RBFOX1: variants seen among roughly 807,000 people sequenced by gnomAD.
RBFOX1 encodes RNA binding protein fox-1 homolog 1.
Under a neutral mutation model 57.7 loss-of-function variants are expected in RBFOX1, and 8 were observed. That is an observed-to-expected ratio of 0.14 (90% CI 0.08 to 0.25). The LOEUF (loss-of-function observed/expected upper bound fraction) is 0.25, where lower values mean the gene tolerates loss of function less well. Ranked by LOEUF, RBFOX1 falls within the 10% of genes least tolerant of loss-of-function variation. The pLI is 1.00. For missense variants in RBFOX1, 611 were observed against 548.5 expected (o/e 1.11, Z -1.14); for synonymous variants, 326 against 222.4 (o/e 1.47, Z -4.15).
chr16:7,494,557 A>C (rs1217747849), intron 4 of RBFOX1, among the ~76,000 whole-genome samples: 1 of 152,234 alleles, frequency 6.6e-6, no homozygotes, highest in East Asian at 1.9e-4. Flanking sequence ...AGAGATGTTC[A>C]GCATAGTGAT....
At chr16:6,758,131 A>C (rs772799033) in intron 3 of RBFOX1, among the ~76,000 whole-genome samples, 2 of 152,072 alleles carry the variant, frequency 1.3e-5, no homozygotes, top group Non-Finnish European at 2.9e-5. Context: ...GGGATTCATG[A>C]TTTTGAAACT....
At chr16:5,524,261 T>A (rs565592203) in intron 2 of RBFOX1, among the ~76,000 whole-genome samples, 1 of 152,280 alleles carries the variant, frequency 6.6e-6, no homozygotes, top group South Asian at 2.1e-4. Flanking sequence ...AGTGTGGACA[T>A]ATTTCCGTGC....
At chr16:5,646,849 G>C (rs1314945880) in intron 3 of RBFOX1, among the ~76,000 whole-genome samples, 3 of 151,994 alleles carry the variant, frequency 2.0e-5, no homozygotes, top group Admixed American at 2.0e-4. Flanking sequence ...TAGCCAGGAT[G>C]GTCTCAATCT....
chr16:6,927,523 C>T (rs990057812), intron 3 of RBFOX1, among the ~76,000 whole-genome samples: 8 of 149,770 alleles, frequency 5.3e-5, no homozygotes, highest in South Asian at 4.2e-4. Context: ...TCCATGTGAG[C>T]AGATATTTCT....
rs186578691 is a variant in RBFOX1 at position 5,459,183 on chromosome 16, T to A, written c.220-8033T>A. The stretch of plus-strand genomic sequence containing the variant: ...CATTCTAGGCAGTAATGACATATGA[T>A]CTCCACATGTGGACATGCATTGGCA... On this transcript the variant is annotated intron_variant, in intron 1 of 2. Transcript: ENST00000585867. 2.3e-4 allele frequency among the ~76,000 whole-genome samples: 35 copies of A among 152,342 alleles called. 2 individuals carry two copies. Among genetic ancestry groups the A allele is most frequent in the Non-Finnish European group, 1.5e-5 (1 of 68,030 alleles).
intron 1 of RBFOX1, among the ~76,000 whole-genome samples, chr16:6,313,453 T>A (rs1484531198): frequency 6.6e-6 from 1 of 152,122 alleles, no homozygotes; most frequent in East Asian, 1.9e-4. Context: ...CATGGCAGAA[T>A]CTATGGAAAC....
At chr16:6,749,768 A>T (rs538870544) in intron 3 of RBFOX1, among the ~76,000 whole-genome samples, 1 of 152,332 alleles carries the variant, frequency 6.6e-6, no homozygotes, top group East Asian at 1.9e-4. Flanking sequence ...TTCAGTGTTA[A>T]CAGAGCAGCC....
At chr16:7,556,973 G>A (rs1482051152) in intron 5 of RBFOX1, among the ~76,000 whole-genome samples, 1 of 152,018 alleles carries the variant, frequency 6.6e-6, no homozygotes, top group Admixed American at 6.6e-5. Context: ...TAACAACAAC[G>A]ACATCCTCCT....
intron 3 of RBFOX1, among the ~76,000 whole-genome samples, chr16:6,707,483 T>TTG (rs2062963644): frequency 6.6e-6 from 1 of 150,820 alleles, no homozygotes; most frequent in South Asian, 2.1e-4. Flanking sequence ...TTTTTGTTTT[T>TTG]TTTTTTTTTT....
At chr16:5,528,815 A>G (rs1457709226) in intron 2 of RBFOX1, among the ~76,000 whole-genome samples, 1 of 151,486 alleles carries the variant, frequency 6.6e-6, no homozygotes, top group Non-Finnish European at 1.5e-5. Context: ...ATGCTTGGCT[A>G]ATTTTTGTAT....
At chr16:5,806,065 C>T (rs749577216) in intron 3 of RBFOX1, among the ~76,000 whole-genome samples, 1 of 152,070 alleles carries the variant, frequency 6.6e-6, no homozygotes, top group Non-Finnish European at 1.5e-5. Context: ...CATTATTATT[C>T]CAGTTTGTCC....
chr16:6,892,379 A>G (rs1194897365), intron 3 of RBFOX1, among the ~76,000 whole-genome samples: 8 of 152,182 alleles, frequency 5.3e-5, no homozygotes. Context: ...TAAAATATCC[A>G]AAGTCTGAGA....
At chr16:5,943,181 C>G (rs1420558570) in intron 4 of RBFOX1, among the ~76,000 whole-genome samples, 3 of 152,218 alleles carry the variant, frequency 2.0e-5, no homozygotes, top group Admixed American at 6.5e-5. Flanking sequence ...GCCAGTGCTT[C>G]TAGGTGTAGC....
intron 4 of RBFOX1, among the ~76,000 whole-genome samples, chr16:7,457,922 C>T (rs1414000375): frequency 6.6e-6 from 1 of 152,132 alleles, no homozygotes; most frequent in Non-Finnish European, 1.5e-5. Flanking sequence ...TCAGTCCCTC[C>T]AACAAGCATG....
At chr16:7,638,165 C>T (rs2062086653) in intron 11 of RBFOX1, among the ~76,000 whole-genome samples, 1 of 152,182 alleles carries the variant, frequency 6.6e-6, no homozygotes, top group African/African-American at 2.4e-5. Flanking sequence ...AGTTGCAGCC[C>T]TGAAATCATG....
At chr16:6,773,997 A>G in intron 3 of RBFOX1, 1 of 985,334 alleles carries the variant, frequency 1.0e-6, no homozygotes, top group Non-Finnish European at 1.2e-6. Flanking sequence ...ACCTGTAATT[A>G]GCTCCTCAGA....
intron 4 of RBFOX1, among the ~76,000 whole-genome samples, chr16:7,440,548 G>C (rs186526848): frequency 6.8e-6 from 1 of 148,032 alleles, no homozygotes; most frequent in Non-Finnish European, 1.5e-5. Flanking sequence ...ATCCTCAGGC[G>C]TATAGGCAAT....
At chr16:6,701,712 C>T (rs1399637613) in intron 3 of RBFOX1, among the ~76,000 whole-genome samples, 1 of 152,144 alleles carries the variant, frequency 6.6e-6, no homozygotes, top group Non-Finnish European at 1.5e-5. Context: ...GAATGCCCAT[C>T]AGCAGTAGAC....
intron 3 of RBFOX1, among the ~76,000 whole-genome samples, chr16:6,860,151 G>C (rs1567598425): frequency 6.6e-6 from 1 of 152,106 alleles, no homozygotes; most frequent in African/African-American, 2.4e-5. Flanking sequence ...CCTGGCATAT[G>C]TTTTTCTTGC....
Sources: gnomAD v4.1 joint callset for allele counts (sites outside exome capture counted in the v4.1 genomes callset) on GRCh38, gnomAD v4.1.1 for gene constraint, MANE v1.5 for transcripts, NCBI Gene and HGNC (gene_info 2026-07-23, HGNC 2026-07-21) for gene names.